Variants in THRB observed in about 807,000 individuals in gnomAD.
The protein encoded by THRB is thyroid hormone receptor beta, also known as nuclear receptor subfamily 1 group A member 2.
Under a neutral mutation model 47.8 loss-of-function variants are expected in THRB, and 12 were observed. The ratio of observed to expected loss-of-function variants is 0.25; its 90% confidence interval spans 0.16 to 0.41. THRB has a LOEUF of 0.41. Among genes scored for constraint, THRB ranks in the 10% least tolerant of loss-of-function variants. The pLI is 1.00. For missense variants in THRB, 348 were observed against 589.2 expected (o/e 0.59, Z 4.24); for synonymous variants, 218 against 212.2 (o/e 1.03, Z -0.24).
At chr3:24,254,829 T>A (rs1020815877) in intron 3 of THRB, among the ~76,000 whole-genome samples, 1 of 152,358 alleles carries the variant, frequency 6.6e-6, no homozygotes, top group African/African-American at 2.4e-5. Flanking sequence ...GACCAATGAC[T>A]TAGTTTCTGT....
Position 24,404,194 on chromosome 3 carries a change from A to G in THRB, c.-260-66823T>C, listed in dbSNP as rs73825636. ...GATCTGCATAACTCAGTGAACCAAT[A>G]TTTTTAAATCAATGCATGGTATTAC... On this transcript the variant is annotated intron_variant, in intron 1 of 10. Transcript: ENST00000646209. Among the ~76,000 whole-genome samples the G allele has an allele frequency of 6.6e-3, 1,001 of 152,074 alleles. 11 individuals carry two copies. Among genetic ancestry groups the G allele is most frequent in the African/African-American group, 0.019 (792 of 41,548 alleles).
intron 1 of THRB, among the ~76,000 whole-genome samples, chr3:24,391,205 T>A (rs1412155851): frequency 1.3e-5 from 2 of 152,146 alleles, no homozygotes; most frequent in African/African-American, 4.8e-5. Context: ...GGTTTCTCAG[T>A]ATGGAACATT....
intron 3 of THRB, among the ~76,000 whole-genome samples, chr3:24,230,848 G>A (rs1328122112): frequency 6.6e-6 from 1 of 152,142 alleles, no homozygotes; most frequent in African/African-American, 2.4e-5. Context: ...AGGGATTGAG[G>A]GAGAGAGAAA....
chr3:24,255,174 T>G (rs540435844), intron 3 of THRB, among the ~76,000 whole-genome samples: 59 of 152,332 alleles, frequency 3.9e-4, no homozygotes, highest in African/African-American at 1.3e-3. Flanking sequence ...TCCAGTATTT[T>G]TGTTAAAGCA....
At chr3:24,196,946 A>C (rs2149681260) in intron 4 of THRB, among the ~76,000 whole-genome samples, 1 of 152,086 alleles carries the variant, frequency 6.6e-6, no homozygotes, top group East Asian at 1.9e-4. Flanking sequence ...CAATCCATCC[A>C]CCCTCCAAAC....
intron 3 of THRB, among the ~76,000 whole-genome samples, chr3:24,283,658 A>G (rs2054886972): frequency 1.4e-5 from 2 of 146,324 alleles, no homozygotes; most frequent in South Asian, 2.2e-4. Context: ...CTGTTTGCAG[A>G]TGACATGATT....
chr3:24,138,365 C>G (rs1342547196), intron 8 of THRB, among the ~76,000 whole-genome samples: 1 of 151,806 alleles, frequency 6.6e-6, no homozygotes, highest in East Asian at 1.9e-4. Context: ...TCACCCTTTT[C>G]CTGGGATGAG....
At chr3:24,223,861 G>T (rs909079618) in intron 4 of THRB, among the ~76,000 whole-genome samples, 1 of 151,690 alleles carries the variant, frequency 6.6e-6, no homozygotes, top group Non-Finnish European at 1.5e-5. Flanking sequence ...AGTTATAAAA[G>T]GTGAAGTTTG....
chr3:24,290,061 G>A (rs1401818104), intron 3 of THRB, among the ~76,000 whole-genome samples: 2 of 152,162 alleles, frequency 1.3e-5, no homozygotes, highest in Non-Finnish European at 2.9e-5. Flanking sequence ...AAATGAATTA[G>A]GTTGTGCTTT....
intron 4 of THRB, among the ~76,000 whole-genome samples, chr3:24,225,584 GCA>G (rs768013234): frequency 5.3e-5 from 8 of 152,138 alleles, no homozygotes; most frequent in Non-Finnish European, 8.8e-5. Flanking sequence ...GCCTCTTCCA[GCA>G]CAGTTTGAAT....
chr3:24,308,891 G>A (rs868123325), intron 2 of THRB, among the ~76,000 whole-genome samples: 5 of 152,202 alleles, frequency 3.3e-5, no homozygotes, highest in Middle Eastern at 3.4e-3. Context: ...AAAAGTTCTA[G>A]AATCTTTCTT....
At position 24,355,281 on chromosome 3, in the gene THRB, TG is replaced by T. The variant is rs796706630; in HGVS notation, c.-260-17911del. ...GAGACATTCTACAAAATAATTGGCTTGTATCCTCCAAAAATACCAAGGTCAG... is the reference window on the plus strand; with the variant it reads ...GAGACATTCTACAAAATAATTGGCTTTATCCTCCAAAAATACCAAGGTCAG... On this transcript the variant is annotated intron_variant, in intron 1 of 10. Transcript: ENST00000646209. 5.7e-4 allele frequency among the ~76,000 whole-genome samples: 87 copies of T among 152,258 alleles called. 1 individual carries two copies. The Middle Eastern group carries it at 0.01, about 18-fold the overall frequency.
Position 24,190,089 on chromosome 3 carries a change from C to T in THRB, c.268G>A (p.Glu90Lys), listed in dbSNP as rs1428476390. ...ATCTGGTTACCTTTACATTTCTTCT[C>T]CTCCGTTTGGAAGGTCTGGGCACTT... is the stretch of plus-strand genomic sequence containing the variant. The part of the protein sequence containing the change: ...VSSAQTFQTE[E>K]KKCKGYIPSY... Residue 90 changes from glutamate (E) to lysine (K), a missense_variant, in exon 5 of 11, where the codon GAG becomes AAG. This residue lies in a region of THRB where 148 missense variants were observed against 122.3 expected (regional missense o/e 1.21). Coordinates refer to ENST00000646209, the MANE Select transcript of THRB (RefSeq NM_001354712.2). 6.2e-7 allele frequency: 1 copy of T among 1,613,992 alleles called. No homozygotes were observed. Among genetic ancestry groups the T allele is most frequent in the Non-Finnish European group, 8.5e-7 (1 of 1,179,892 alleles).
chr3:24,164,240 G>A (rs1182569720), intron 5 of THRB, among the ~76,000 whole-genome samples: 1 of 152,084 alleles, frequency 6.6e-6, no homozygotes, highest in Non-Finnish European at 1.5e-5. Flanking sequence ...TACAAGAAAT[G>A]TTCTATTGAC....
At chr3:24,141,655 C>T (rs1235418202) in intron 8 of THRB, among the ~76,000 whole-genome samples, 2 of 152,194 alleles carry the variant, frequency 1.3e-5, no homozygotes, top group Admixed American at 1.3e-4. Flanking sequence ...GAAAGAAGCA[C>T]CTTATGACTA....
At chr3:24,482,025 T>C (rs1170639273) in intron 1 of THRB, among the ~76,000 whole-genome samples, 1 of 151,554 alleles carries the variant, frequency 6.6e-6, no homozygotes, top group East Asian at 1.9e-4. Context: ...GAGATTGTTA[T>C]CAATAAACAG....
intron 4 of THRB, among the ~76,000 whole-genome samples, chr3:24,219,591 G>C (rs372124125): frequency 2.0e-5 from 3 of 152,224 alleles, no homozygotes; most frequent in African/African-American, 7.2e-5. Flanking sequence ...CTCAGGAGTA[G>C]AGCATCACTA....
intron 1 of THRB, among the ~76,000 whole-genome samples, chr3:24,342,482 C>T (rs67870193): frequency 0.16 from 23,809 of 152,104 alleles, 2,293 homozygotes; most frequent in Middle Eastern, 0.24. Context: ...GGAACTGAAG[C>T]CACAGAGGAG....
chr3:24,293,798 T>C (rs73148357), intron 3 of THRB, among the ~76,000 whole-genome samples: 2,859 of 152,316 alleles, frequency 0.019, 88 homozygotes, highest in African/African-American at 0.065. Flanking sequence ...GCAGATGCCA[T>C]TGTGGCGGCT....
Sources: allele counts gnomAD v4.1 joint callset (sites outside exome capture counted in the v4.1 genomes callset), GRCh38; gene constraint gnomAD v4.1.1; regional missense constraint gnomAD v4.1.1; transcripts MANE v1.5; gene names NCBI Gene and HGNC (gene_info 2026-07-23, HGNC 2026-07-21).